Variants in RALYL observed in about 807,000 individuals in gnomAD.
RALYL encodes RNA-binding Raly-like protein.
RALYL carries 29 observed loss-of-function variants against 35.1 expected under a neutral mutation model. The ratio of observed to expected loss-of-function variants is 0.83; its 90% confidence interval spans 0.61 to 1.13. The LOEUF is 1.13. RALYL is among the 50% of genes most tolerant of loss of function. The pLI, the probability that RALYL is intolerant of heterozygous loss-of-function variation, is 0.00. For synonymous variants in RALYL, 120 were observed against 127.6 expected (o/e 0.94, Z 0.40); for missense variants, 359 against 360.4 (o/e 1.00, Z 0.03).
chr8:84,839,829 G>T, intron 4 of RALYL, among the ~76,000 whole-genome samples: 1 of 152,204 alleles, frequency 6.6e-6, no homozygotes, highest in East Asian at 1.9e-4. Flanking sequence ...CTGTTCTGCA[G>T]CCACGACTGC....
intron 1 of RALYL, among the ~76,000 whole-genome samples, chr8:84,243,964 G>A (rs559915666): frequency 6.6e-6 from 1 of 152,050 alleles, no homozygotes; most frequent in Non-Finnish European, 1.5e-5. Flanking sequence ...TTCCATCAAT[G>A]TAAATGAATA....
At chr8:84,215,490 G>C (rs980001595) in intron 1 of RALYL, among the ~76,000 whole-genome samples, 1 of 150,274 alleles carries the variant, frequency 6.7e-6, no homozygotes, top group Non-Finnish European at 1.5e-5. Context: ...TTTATATATG[G>C]ATATAAATGC....
intron 1 of RALYL, among the ~76,000 whole-genome samples, chr8:84,406,257 G>A (rs929077588): frequency 6.6e-6 from 1 of 151,982 alleles, no homozygotes; most frequent in African/African-American, 2.4e-5. Context: ...CCAGAATTCT[G>A]TATGTAATAT....
chr8:84,363,321 G>A (rs1384392623), intron 1 of RALYL, among the ~76,000 whole-genome samples: 2 of 152,162 alleles, frequency 1.3e-5, no homozygotes, highest in African/African-American at 4.8e-5. Flanking sequence ...ACATGACCCA[G>A]GACTCAGAAA....
intron 2 of RALYL, among the ~76,000 whole-genome samples, chr8:84,577,461 G>A (rs1313217139): frequency 1.3e-5 from 2 of 152,168 alleles, no homozygotes; most frequent in Non-Finnish European, 2.9e-5. Flanking sequence ...GAGCATTCAT[G>A]GGGTTTGATT....
chr8:84,364,944 G>C (rs1049234139), intron 1 of RALYL, among the ~76,000 whole-genome samples: 1 of 152,046 alleles, frequency 6.6e-6, no homozygotes, highest in African/African-American at 2.4e-5. Flanking sequence ...CAAATAAATA[G>C]TTTTGAATTT....
chr8:84,351,177 A>G (rs929477250), intron 1 of RALYL, among the ~76,000 whole-genome samples: 8 of 150,328 alleles, frequency 5.3e-5, no homozygotes, highest in Non-Finnish European at 1.0e-4. Context: ...GTTCTATACT[A>G]AATAATAACT....
At chr8:84,787,897 C>G (rs1345522253) in intron 3 of RALYL, among the ~76,000 whole-genome samples, 1 of 152,074 alleles carries the variant, frequency 6.6e-6, no homozygotes, top group South Asian at 2.1e-4. Flanking sequence ...TGTTTAAGTT[C>G]TTTGTAGATT....
rs542580173 is a variant in RALYL, at chr8:84,401,019, T to G, written c.-23-128280T>G. ...AATTTGTTAAGTTGCTTAAGTTTTC[T>G]GGTTGTTCATTTCCATGAAGCTGTG... On this transcript the variant is annotated intron_variant, in intron 1 of 8. Transcript: ENST00000521268. Among the ~76,000 whole-genome samples, 8 of 152,326 alleles carry G rather than the reference T, an allele frequency of 5.3e-5. No homozygotes were observed. The South Asian group carries it at 1.7e-3, about 32-fold the overall frequency.
chr8:84,383,665 T>C (rs1285288318), intron 1 of RALYL, among the ~76,000 whole-genome samples: 3 of 151,228 alleles, frequency 2.0e-5, no homozygotes, highest in Non-Finnish European at 4.4e-5. Flanking sequence ...GATTGAAAAG[T>C]AGATAAACTG....
rs563561906 is a variant in RALYL, at chr8:84,831,532, C to T, written c.366-18448C>T. 2.0e-4 allele frequency among the ~76,000 whole-genome samples: 31 copies of T among 152,144 alleles called. No individual in the cohort carries two copies. The South Asian group carries it at 2.1e-3, about 10-fold the overall frequency. On this transcript the variant is annotated intron_variant, in intron 4 of 8. Coordinates refer to ENST00000521268, the MANE Select transcript of RALYL (RefSeq NM_173848.7). Reference sequence around the variant, plus strand: ...CTTAAGGATCAACCTGTTTTACAAACGTATGTTTAACAAATATTTAGTCAT... The same window carrying T: ...CTTAAGGATCAACCTGTTTTACAAATGTATGTTTAACAAATATTTAGTCAT...
rs111846208 is a variant in RALYL, at chr8:84,446,071, G to A, written c.-23-83228G>A. Among the ~76,000 whole-genome samples, 1,278 of 151,930 alleles carry A rather than the reference G, an allele frequency of 8.4e-3. 20 individuals are homozygous for A. Among genetic ancestry groups the A allele is most frequent in the African/African-American group, 0.028 (1,179 of 41,472 alleles). On this transcript the variant is annotated intron_variant, in intron 1 of 8. Transcript: ENST00000521268. ...GTTTTATATTTTATATGCGATATTA[G>A]CTGTTTTGGTTGGCATTCCAAGATA...
chr8:84,696,612 A>T (rs1839196670), intron 2 of RALYL, among the ~76,000 whole-genome samples: 1 of 151,988 alleles, frequency 6.6e-6, no homozygotes, highest in East Asian at 1.9e-4. Flanking sequence ...ATTTAAAAAT[A>T]TTAAAAATAA....
intron 7 of RALYL, among the ~76,000 whole-genome samples, chr8:84,883,380 A>T (rs547595040): frequency 6.6e-6 from 1 of 152,192 alleles, no homozygotes; most frequent in South Asian, 2.1e-4. Flanking sequence ...GACATACCCA[A>T]GACTGGGTAA....
chr8:84,720,865 G>A (rs974854071), intron 2 of RALYL, among the ~76,000 whole-genome samples: 35 of 151,870 alleles, frequency 2.3e-4, no homozygotes, highest in African/African-American at 7.2e-4. Flanking sequence ...ACATACAAAC[G>A]GATAGCAGAT....
In RALYL at chr8:84,443,794, G is replaced by A. The variant is rs144685995; in HGVS notation, c.-23-85505G>A. ...TAGCTTTAAATTTTCCACTTCTGACGTAGGCATGGATATAAAAAATGCTTC... is the reference window on the plus strand; with the variant it reads ...TAGCTTTAAATTTTCCACTTCTGACATAGGCATGGATATAAAAAATGCTTC... On this transcript the variant is annotated intron_variant, in intron 1 of 8. Coordinates refer to ENST00000521268, the MANE Select transcript of RALYL (RefSeq NM_173848.7). Among the ~76,000 whole-genome samples, 1,209 of 152,042 alleles carry A rather than the reference G, an allele frequency of 8.0e-3. 18 individuals carry two copies. Among genetic ancestry groups the A allele is most frequent in the African/African-American group, 0.028 (1,141 of 41,424 alleles).
intron 1 of RALYL, among the ~76,000 whole-genome samples, chr8:84,478,092 T>C (rs1453504326): frequency 6.6e-6 from 1 of 152,096 alleles, no homozygotes; most frequent in African/African-American, 2.4e-5. Flanking sequence ...GAAGTCTCAG[T>C]AAAAGATTGT....
At chr8:84,509,666 C>G (rs976262592) in intron 1 of RALYL, among the ~76,000 whole-genome samples, 1 of 152,086 alleles carries the variant, frequency 6.6e-6, no homozygotes, top group Admixed American at 6.5e-5. Flanking sequence ...ACATTTAGGT[C>G]AAGGATCCAT....
intron 2 of RALYL, among the ~76,000 whole-genome samples, chr8:84,594,046 G>A (rs1813911215): frequency 2.0e-5 from 3 of 151,838 alleles, no homozygotes; most frequent in Non-Finnish European, 4.4e-5. Flanking sequence ...CTTCCACCAT[G>A]TTTTCTGTCC....
Sources: allele counts gnomAD v4.1 joint callset (sites outside exome capture counted in the v4.1 genomes callset), GRCh38; gene constraint gnomAD v4.1.1; transcripts MANE v1.5; gene names NCBI Gene and HGNC (gene_info 2026-07-23, HGNC 2026-07-21).